FGF14: variants seen among roughly 807,000 people sequenced by gnomAD.
The protein encoded by FGF14 is fibroblast growth factor homologous factor 4.
Under a neutral mutation model 25.5 loss-of-function variants are expected in FGF14, and 5 were observed. The observed-to-expected ratio is 0.20, with a 90% CI of 0.10 to 0.41. The LOEUF is 0.41. Among genes scored for constraint, FGF14 ranks in the 10% least tolerant of loss-of-function variants. The probability of loss-of-function intolerance (pLI) is 1.00; values close to 1 mark genes in which losing one functional copy is unlikely to be tolerated. For missense variants in FGF14, 222 were observed against 320.1 expected (o/e 0.69, Z 2.34); for synonymous variants, 138 against 118.3 (o/e 1.17, Z -1.08).
intron 1 of FGF14, among the ~76,000 whole-genome samples, chr13:102,278,665 C>T (rs534030162): frequency 3.7e-4 from 55 of 149,698 alleles, no homozygotes; most frequent in South Asian, 1.3e-3. Flanking sequence ...CACATACACA[C>T]ACACATACAC....
upstream of FGF14, chr13:102,401,984 G>A: frequency 2.4e-6 from 1 of 409,632 alleles, no homozygotes; most frequent in South Asian, 2.3e-5. Context: ...TGGATCTGCA[G>A]AAGGCAAAGC....
At chr13:102,229,699 T>C (rs974936526) in intron 1 of FGF14, among the ~76,000 whole-genome samples, 1 of 152,196 alleles carries the variant, frequency 6.6e-6, no homozygotes, top group Non-Finnish European at 1.5e-5. Flanking sequence ...TCTCAGGCCT[T>C]GGTCATGGTT....
intron 1 of FGF14, among the ~76,000 whole-genome samples, chr13:102,248,672 C>T (rs573264539): frequency 4.1e-4 from 62 of 152,086 alleles, no homozygotes; most frequent in African/African-American, 1.3e-3. Context: ...AATTGTGAGC[C>T]GTGTATTTTG....
rs546226095 is a variant in FGF14, at chr13:102,214,414, T to C, written c.208+187057A>G. 8.5e-5 allele frequency among the ~76,000 whole-genome samples: 13 copies of C among 152,308 alleles called. 1 individual carries two copies. The highest frequency in any genetic ancestry group is 6.5e-4 in the Admixed American group (10 of 15,300). ...AGAAGCTTAAAAAAATATATACAAA[T>C]GTATATAGGTTTTCCTTCCTCAGGA... On this transcript the variant is annotated intron_variant, in intron 1 of 4. Coordinates refer to the FGF14 transcript ENST00000376131.
intron 3 of FGF14, among the ~76,000 whole-genome samples, chr13:101,782,569 C>T (rs534182130): frequency 4.6e-5 from 7 of 152,200 alleles, no homozygotes; most frequent in African/African-American, 1.4e-4. Flanking sequence ...CCTCAGTGTC[C>T]GTTCTTCCCC....
At chr13:102,242,455 C>A (rs1039991828) in intron 1 of FGF14, among the ~76,000 whole-genome samples, 2 of 152,010 alleles carry the variant, frequency 1.3e-5, no homozygotes, top group Non-Finnish European at 2.9e-5. Context: ...CTGGCAAGGG[C>A]TTTCTTGCTG....
At chr13:102,356,927 G>A (rs1401442774) in intron 1 of FGF14, among the ~76,000 whole-genome samples, 2 of 115,058 alleles carry the variant, frequency 1.7e-5, no homozygotes, top group African/African-American at 4.4e-5. Context: ...TCTATAAAAT[G>A]CATATATATA....
At chr13:102,121,539 T>G (rs1201564599) in intron 1 of FGF14, among the ~76,000 whole-genome samples, 1 of 152,134 alleles carries the variant, frequency 6.6e-6, no homozygotes, top group African/African-American at 2.4e-5. Context: ...CCCATGAAAA[T>G]TATTTAATTA....
At chr13:101,846,418 C>G (rs988477538) in intron 3 of FGF14, among the ~76,000 whole-genome samples, 1 of 152,004 alleles carries the variant, frequency 6.6e-6, no homozygotes, top group African/African-American at 2.4e-5. Context: ...CAGACATTTT[C>G]CAGTTACATA....
intron 1 of FGF14, among the ~76,000 whole-genome samples, chr13:101,957,470 A>G (rs2036582083): frequency 6.6e-6 from 1 of 152,202 alleles, no homozygotes; most frequent in African/African-American, 2.4e-5. Context: ...AAAGACAAAC[A>G]GCTTTGCTAT....
At chr13:101,984,200 G>A (rs1197839127) in intron 1 of FGF14, among the ~76,000 whole-genome samples, 1 of 152,038 alleles carries the variant, frequency 6.6e-6, no homozygotes, top group Non-Finnish European at 1.5e-5. Flanking sequence ...GTCAGAAAAG[G>A]CCTGGTAAAT....
chr13:102,093,192 A>T (rs2044244507), intron 1 of FGF14, among the ~76,000 whole-genome samples: 1 of 129,848 alleles, frequency 7.7e-6, no homozygotes, highest in African/African-American at 2.5e-5. Context: ...TTAGAAATAT[A>T]TTAAAAAAAA....
intron 1 of FGF14, among the ~76,000 whole-genome samples, chr13:102,157,907 GAC>G (rs1265544348): frequency 1.3e-5 from 2 of 152,064 alleles, no homozygotes; most frequent in African/African-American, 2.4e-5. Flanking sequence ...GCAGCCAAAA[GAC>G]ACATGAAAAA....
At chr13:102,078,429 A>G (rs1016473840) in intron 1 of FGF14, among the ~76,000 whole-genome samples, 1 of 150,038 alleles carries the variant, frequency 6.7e-6, no homozygotes, top group Non-Finnish European at 1.5e-5. Context: ...CAAGTCAAAC[A>G]ATACACACAA....
rs549202850 is a variant in FGF14 at position 101,747,559 on chromosome 13, G to A, written c.409-20749C>T. Among the ~76,000 whole-genome samples, 27 of 151,966 alleles carry A rather than the reference G, an allele frequency of 1.8e-4. 3 individuals are homozygous for A. The East Asian group carries it at 2.7e-3, about 15-fold the overall frequency. ...ACATGAGGCTGATGATGAAGAAAAC[G>A]ACAAAAACTCACCTTACTGACCAAC... On this transcript the variant is annotated intron_variant, in intron 3 of 4. Transcript: ENST00000376143.
intron 1 of FGF14, among the ~76,000 whole-genome samples, chr13:102,229,189 C>T (rs891064377): frequency 2.0e-5 from 3 of 152,116 alleles, no homozygotes; most frequent in African/African-American, 7.2e-5. Flanking sequence ...TGTGGATACC[C>T]TACGTTTGCT....
intron 1 of FGF14, among the ~76,000 whole-genome samples, chr13:102,133,819 A>G (rs917837780): frequency 7.9e-5 from 12 of 152,016 alleles, no homozygotes; most frequent in African/African-American, 2.9e-4. Context: ...TGTGGAGGTT[A>G]ATACTCATGT....
At chr13:102,184,102 A>C (rs1398429680) in intron 1 of FGF14, among the ~76,000 whole-genome samples, 1 of 152,182 alleles carries the variant, frequency 6.6e-6, no homozygotes, top group Non-Finnish European at 1.5e-5. Flanking sequence ...GGGACTTGGT[A>C]ATGGAGCCCC....
intron 1 of FGF14, among the ~76,000 whole-genome samples, chr13:101,979,578 T>C (rs965706248): frequency 6.6e-6 from 1 of 152,208 alleles, no homozygotes; most frequent in Admixed American, 6.5e-5. Context: ...TTTATTTGCT[T>C]GTTTTTCCAT....
Sources: gnomAD v4.1 joint callset for allele counts (sites outside exome capture counted in the v4.1 genomes callset) on GRCh38, gnomAD v4.1.1 for gene constraint, MANE v1.5 for transcripts, NCBI Gene and HGNC (gene_info 2026-07-23, HGNC 2026-07-21) for gene names.